MYRIP: variants seen among roughly 807,000 people sequenced by gnomAD.
MYRIP encodes the protein rab effector MyRIP.
Under a neutral mutation model 98.0 loss-of-function variants are expected in MYRIP, and 49 were observed. The observed-to-expected ratio is 0.50, with a 90% CI of 0.40 to 0.63. The LOEUF is 0.63. Among genes scored for constraint, MYRIP ranks in the 30% least tolerant of loss-of-function variants. The pLI is 0.00. For synonymous variants in MYRIP, 404 were observed against 409.5 expected (o/e 0.99, Z 0.16); for missense variants, 1,004 against 1,058.2 (o/e 0.95, Z 0.71).
intron 1 of MYRIP, among the ~76,000 whole-genome samples, chr3:39,849,099 T>C (rs1208851627): frequency 1.3e-5 from 2 of 152,226 alleles, no homozygotes; most frequent in Admixed American, 6.5e-5. Context: ...CTGTCTATCC[T>C]ATAGGATATA....
At chr3:40,177,705 T>A (rs1390124816) in intron 8 of MYRIP, among the ~76,000 whole-genome samples, 1 of 152,172 alleles carries the variant, frequency 6.6e-6, no homozygotes, top group Non-Finnish European at 1.5e-5. Context: ...CCAGTGTGGG[T>A]GTTATAACTC....
At chr3:40,238,062 C>A (rs1952870379) in intron 12 of MYRIP, among the ~76,000 whole-genome samples, 1 of 152,210 alleles carries the variant, frequency 6.6e-6, no homozygotes, top group Non-Finnish European at 1.5e-5. Flanking sequence ...CAGCAGGGAC[C>A]ATGGCTGGAA....
At chr3:40,175,253 C>T (rs758947714) in intron 8 of MYRIP, among the ~76,000 whole-genome samples, 8 of 152,194 alleles carry the variant, frequency 5.3e-5, no homozygotes, top group Non-Finnish European at 1.2e-4. Flanking sequence ...AAGGCCTATA[C>T]TAAGTCCTAG....
intron 3 of MYRIP, among the ~76,000 whole-genome samples, chr3:40,102,891 A>G (rs1948973642): frequency 6.6e-6 from 1 of 151,932 alleles, no homozygotes; most frequent in Non-Finnish European, 1.5e-5. Context: ...AGAAAAGCAA[A>G]AGTTTTACAA....
At chr3:39,846,629 G>A (rs187705701) in intron 1 of MYRIP, among the ~76,000 whole-genome samples, 1 of 152,316 alleles carries the variant, frequency 6.6e-6, no homozygotes, top group Non-Finnish European at 1.5e-5. Flanking sequence ...TGTGTCATCA[G>A]ATGCTATTAT....
intron 2 of MYRIP, among the ~76,000 whole-genome samples, chr3:39,936,082 C>A (rs1038536289): frequency 2.8e-5 from 4 of 143,350 alleles, no homozygotes; most frequent in African/African-American, 1.2e-4. Context: ...GAATAACGTT[C>A]ATCCCCATTT....
At chr3:39,996,294 C>T (rs1242552681) in intron 2 of MYRIP, among the ~76,000 whole-genome samples, 3 of 152,242 alleles carry the variant, frequency 2.0e-5, no homozygotes, top group African/African-American at 2.4e-5. Context: ...ACCCATCTCA[C>T]ATGCAGAGAC....
At chr3:40,226,096 C>T (rs911080872) in intron 11 of MYRIP, among the ~76,000 whole-genome samples, 1 of 152,088 alleles carries the variant, frequency 6.6e-6, no homozygotes, top group Non-Finnish European at 1.5e-5. Flanking sequence ...CTTCAGCCCT[C>T]CCCTCAGGAA....
rs772806915 is a variant in MYRIP, at chr3:40,258,204, G to A, written c.*38G>A. The A allele has an allele frequency of 6.8e-6, 11 of 1,613,424 alleles. No individual in the cohort carries two copies. Among genetic ancestry groups the A allele is most frequent in the Non-Finnish European group, 9.3e-6 (11 of 1,179,422 alleles). ...CCACTGCCAGTGACCCACTGCCTCC[G>A]GCCGTACACGACAGTGCCTTGACCC... On this transcript the variant is annotated 3_prime_UTR_variant, in exon 17 of 17. Transcript: ENST00000302541.
Position 40,106,164 on chromosome 3 carries a change from A to T in MYRIP, c.333-44884A>T, listed in dbSNP as rs117936254. 7.9e-4 allele frequency among the ~76,000 whole-genome samples: 120 copies of T among 152,228 alleles called. 4 individuals carry two copies. The East Asian group carries it at 0.022, about 28-fold the overall frequency. On this transcript the variant is annotated intron_variant, in intron 3 of 16. Transcript: ENST00000302541. Reference sequence around the variant, plus strand: ...TTGTATAGCTTAAATAATAATAATAAAGTGAATATCCAGGTTAACAAAACA... The same window carrying T: ...TTGTATAGCTTAAATAATAATAATATAGTGAATATCCAGGTTAACAAAACA...
At chr3:40,071,614 G>A (rs1948232022) in intron 3 of MYRIP, among the ~76,000 whole-genome samples, 1 of 152,188 alleles carries the variant, frequency 6.6e-6, no homozygotes, top group African/African-American at 2.4e-5. Context: ...CAGAGCAGGA[G>A]TGAGGGCCTG....
chr3:40,010,007 A>G (rs140832457), intron 2 of MYRIP, among the ~76,000 whole-genome samples: 1 of 152,174 alleles, frequency 6.6e-6, no homozygotes, highest in African/African-American at 2.4e-5. Flanking sequence ...TGATGAGCCT[A>G]GGGAGAAAAT....
chr3:40,187,608 C>T (rs758908323), intron 9 of MYRIP, among the ~76,000 whole-genome samples: 4 of 152,182 alleles, frequency 2.6e-5, no homozygotes, highest in East Asian at 1.9e-4. Flanking sequence ...GGCTTCCTCC[C>T]GGACCTCTGG....
At chr3:39,927,073 G>T (rs763186465) in intron 2 of MYRIP, among the ~76,000 whole-genome samples, 1 of 151,982 alleles carries the variant, frequency 6.6e-6, no homozygotes, top group Non-Finnish European at 1.5e-5. Flanking sequence ...CTAGGTGTGT[G>T]TTTGTGTGTG....
intron 10 of MYRIP, among the ~76,000 whole-genome samples, chr3:40,206,802 C>T (rs2245571): frequency 0.93 from 141,556 of 152,268 alleles, 65,905 homozygotes; most frequent in Admixed American, 0.95. Flanking sequence ...TGAATCACAG[C>T]AATTCTTCAT....
At chr3:40,191,929 T>C (rs1441109625) in intron 10 of MYRIP, among the ~76,000 whole-genome samples, 1 of 152,158 alleles carries the variant, frequency 6.6e-6, no homozygotes, top group Non-Finnish European at 1.5e-5. Flanking sequence ...ACTAGCTTTC[T>C]ATTTATTCTG....
intron 1 of MYRIP, among the ~76,000 whole-genome samples, chr3:39,876,198 ATCT>A (rs1942989326): frequency 6.6e-6 from 1 of 151,952 alleles, no homozygotes. Context: ...TGCTTGGTAG[ATCT>A]TCTTCCATCG....
At chr3:40,054,992 A>G (rs1947856306) in intron 3 of MYRIP, among the ~76,000 whole-genome samples, 1 of 152,232 alleles carries the variant, frequency 6.6e-6, no homozygotes, top group African/African-American at 2.4e-5. Context: ...AATTAGGGTA[A>G]TAAGAAATCA....
At chr3:40,146,504 C>G (rs1950013193) in intron 3 of MYRIP, among the ~76,000 whole-genome samples, 1 of 152,212 alleles carries the variant, frequency 6.6e-6, no homozygotes, top group Non-Finnish European at 1.5e-5. Context: ...GCCACCATCA[C>G]TGTTTCCTGG....
Sources: gnomAD v4.1 joint callset for allele counts (sites outside exome capture counted in the v4.1 genomes callset) on GRCh38, gnomAD v4.1.1 for gene constraint, MANE v1.5 for transcripts, NCBI Gene and HGNC (gene_info 2026-07-23, HGNC 2026-07-21) for gene names.